PCDH15: variants seen among roughly 807,000 people sequenced by gnomAD.
PCDH15 encodes the protein protocadherin related 15.
In PCDH15, 129 loss-of-function variants were observed where a neutral mutation model predicts 178.5. The ratio of observed to expected loss-of-function variants is 0.72; its 90% CI spans 0.63 to 0.84. PCDH15 has a LOEUF of 0.84. PCDH15 is among the 40% of genes least tolerant of loss of function. PCDH15 has a pLI of 0.00. For missense variants in PCDH15, 2,230 were observed against 2,099.9 expected, an observed-to-expected ratio of 1.06 and a Z score of -1.21; for synonymous variants, 800 against 732.0, an observed-to-expected ratio of 1.09 and a Z score of -1.50.
At chr10:55,609,345 T>C (rs1395883656) in intron 2 of PCDH15, among the ~76,000 whole-genome samples, 1 of 152,166 alleles carries the variant, frequency 6.6e-6, no homozygotes, top group African/African-American at 2.4e-5. Context: ...GCATGCACTA[T>C]GCCTTCAAAC....
chr10:54,071,442 G>A (rs1339681257), intron 17 of PCDH15, among the ~76,000 whole-genome samples: 1 of 152,030 alleles, frequency 6.6e-6, no homozygotes, highest in Non-Finnish European at 1.5e-5. Flanking sequence ...TAAGAGAAGG[G>A]ATGTTTGTTT....
At chr10:55,396,652 G>C (rs1458727375) in intron 2 of PCDH15, among the ~76,000 whole-genome samples, 2 of 152,164 alleles carry the variant, frequency 1.3e-5, no homozygotes, top group East Asian at 1.9e-4. Flanking sequence ...CAAAACCACA[G>C]GGTCATACAC....
intron 29 of PCDH15, among the ~76,000 whole-genome samples, chr10:53,834,334 A>G (rs542438641): frequency 3.3e-5 from 5 of 152,196 alleles, no homozygotes; most frequent in South Asian, 2.1e-4. Context: ...CTGTTTTCCA[A>G]TGGTTTCTGT....
At chr10:54,140,583 C>T (rs2043309253) in intron 14 of PCDH15, among the ~76,000 whole-genome samples, 1 of 152,040 alleles carries the variant, frequency 6.6e-6, no homozygotes. Flanking sequence ...ATTCCCCTTC[C>T]TCAGCCTCAG....
intron 23 of PCDH15, among the ~76,000 whole-genome samples, chr10:53,947,575 A>G (rs1331842648): frequency 6.6e-6 from 1 of 152,102 alleles, no homozygotes; most frequent in Non-Finnish European, 1.5e-5. Flanking sequence ...CACCCACTAG[A>G]ACTCCGATTA....
intron 2 of PCDH15, among the ~76,000 whole-genome samples, chr10:55,540,834 G>A (rs1841743467): frequency 2.0e-5 from 3 of 151,994 alleles, no homozygotes; most frequent in Admixed American, 2.0e-4. Context: ...AGTCAAAGAA[G>A]TAAGCTACAA....
intron 2 of PCDH15, among the ~76,000 whole-genome samples, chr10:55,117,135 G>A (rs1289369145): frequency 6.6e-6 from 1 of 152,146 alleles, no homozygotes; most frequent in East Asian, 1.9e-4. Flanking sequence ...CATTTGTTAT[G>A]CTTTTCTCTT....
intron 2 of PCDH15, among the ~76,000 whole-genome samples, chr10:54,975,071 T>C (rs1354084233): frequency 6.6e-6 from 1 of 152,212 alleles, no homozygotes; most frequent in Non-Finnish European, 1.5e-5. Context: ...ATTTCATCAG[T>C]GAACACCTTG....
intron 9 of PCDH15, among the ~76,000 whole-genome samples, chr10:54,228,832 C>T (rs75236403): frequency 0.055 from 8,303 of 152,208 alleles, 560 homozygotes; most frequent in African/African-American, 0.17. Flanking sequence ...TTTTGAAACA[C>T]TCTCTTAGAC....
chr10:54,128,191 T>C (rs1590660209), intron 15 of PCDH15, among the ~76,000 whole-genome samples: 1 of 152,204 alleles, frequency 6.6e-6, no homozygotes, highest in Non-Finnish European at 1.5e-5. Context: ...TCCTGTGATC[T>C]AGTGGCACTG....
intron 26 of PCDH15, among the ~76,000 whole-genome samples, chr10:53,897,014 C>T (rs2081996872): frequency 2.0e-5 from 3 of 152,256 alleles, no homozygotes; most frequent in Admixed American, 6.5e-5. Context: ...CCCAAACCAT[C>T]CCCCTCTGCA....
chr10:54,063,633 T>G (rs2135777076), intron 18 of PCDH15, among the ~76,000 whole-genome samples: 1 of 152,268 alleles, frequency 6.6e-6, no homozygotes, highest in Non-Finnish European at 1.5e-5. Context: ...GGACTAGCTG[T>G]GTTTGTATCA....
chr10:55,444,670 G>T (rs1177634093), intron 2 of PCDH15, among the ~76,000 whole-genome samples: 3 of 152,128 alleles, frequency 2.0e-5, no homozygotes, highest in Non-Finnish European at 2.9e-5. Context: ...TGCCAAAACA[G>T]CAAGGAAGAA....
At chr10:54,570,248 T>G (rs2089628227) in intron 2 of PCDH15, among the ~76,000 whole-genome samples, 1 of 152,170 alleles carries the variant, frequency 6.6e-6, no homozygotes. Context: ...CTGTGCTTTT[T>G]AATGGTTATT....
chr10:54,520,380 A>G (rs1424771672), intron 3 of PCDH15, among the ~76,000 whole-genome samples: 2 of 152,164 alleles, frequency 1.3e-5, no homozygotes, highest in Non-Finnish European at 2.9e-5. Context: ...AAAAACAAAC[A>G]ACCCCATCAA....
rs201137087 is a variant in PCDH15 at position 53,857,257 on chromosome 10, C to G, written c.3724G>C (p.Val1242Leu). 1 of 1,610,120 alleles carries G rather than the reference C, an allele frequency of 6.2e-7. No individual in the cohort carries two copies. The highest frequency in any genetic ancestry group is 1.7e-5 in the Admixed American group (1 of 59,834). The change falls in exon 28 of 38, where the codon GTG becomes CTG. Residue 1242 changes from valine to leucine, a missense_variant. Transcript: ENST00000644397. Reference protein sequence around the residue: ...LSGKADVLVSVVNQLDMQVIV... With the variant: ...LSGKADVLVSLVNQLDMQVIV... The stretch of plus-strand genomic sequence containing the variant: ...ACTTGCATATCCAGCTGATTGACCA[C>G]GGAGACCTGAAAGAAGAAAAAACAG...
chr10:54,509,050 T>C (rs540962097), intron 3 of PCDH15, among the ~76,000 whole-genome samples: 1 of 152,254 alleles, frequency 6.6e-6, no homozygotes, highest in East Asian at 1.9e-4. Flanking sequence ...TGTGACATCA[T>C]GTTGGTGCTC....
At chr10:54,939,493 T>TAAAAAAAAAAAAAAAA (rs1838002834) in intron 2 of PCDH15, among the ~76,000 whole-genome samples, 1 of 10,206 alleles carries the variant, frequency 9.8e-5, no homozygotes, top group Non-Finnish European at 2.2e-4. Flanking sequence ...AGACTCCGTC[T>TAAAAAAAAAAAAAAAA]CAAAAAAAAA....
At chr10:54,487,575 T>C (rs1236401480) in intron 3 of PCDH15, among the ~76,000 whole-genome samples, 1 of 152,054 alleles carries the variant, frequency 6.6e-6, no homozygotes, top group African/African-American at 2.4e-5. Context: ...GAGTGGTGTC[T>C]TTCAGTCAAA....
Sources: gnomAD v4.1 joint callset for allele counts (sites outside exome capture counted in the v4.1 genomes callset) on GRCh38, gnomAD v4.1.1 for gene constraint, MANE v1.5 for transcripts, NCBI Gene and HGNC (gene_info 2026-07-23, HGNC 2026-07-21) for gene names.